PDE1C: variants seen among roughly 807,000 people sequenced by gnomAD.
PDE1C encodes the protein phosphodiesterase 1C.
Under a neutral mutation model 93.1 loss-of-function variants are expected in PDE1C, and 62 were observed. That is an observed-to-expected ratio of 0.67 (90% CI 0.54 to 0.82). The LOEUF is 0.82. Among genes scored for constraint, PDE1C ranks in the 40% least tolerant of loss-of-function variants. The probability of loss-of-function intolerance (pLI) is 0.00; values close to 1 mark genes in which losing one functional copy is unlikely to be tolerated. For missense variants in PDE1C, 742 were observed against 884.6 expected (o/e 0.84, Z 2.04); for synonymous variants, 325 against 310.1 (o/e 1.05, Z -0.50).
At chr7:32,105,701 CT>C (rs11313586) in intron 3 of PDE1C, among the ~76,000 whole-genome samples, 66,304 of 133,854 alleles carry the variant, frequency 0.5, 16,419 homozygotes, top group Middle Eastern at 0.64. Flanking sequence ...CCACATCTGA[CT>C]TTTTTTTTTT....
At chr7:31,784,619 A>T (rs1179141510) in intron 16 of PDE1C, 1 of 152,064 alleles carries the variant, frequency 6.6e-6, no homozygotes, top group Non-Finnish European at 1.5e-5. Context: ...TGGGAGGAAA[A>T]AAAAAGGAAA....
At chr7:31,624,663 A>G in the PDE1C span, among the ~76,000 whole-genome samples, 298 of 150,630 alleles carry the variant, frequency 2.0e-3, 1 homozygote, top group African/African-American at 6.9e-3. Flanking sequence ...TAAAACCATA[A>G]AAACCCTAGA....
intron 16 of PDE1C, among the ~76,000 whole-genome samples, chr7:31,806,264 A>G (rs1051971012): frequency 3.3e-5 from 5 of 151,982 alleles, no homozygotes; most frequent in African/African-American, 1.2e-4. Context: ...AGTAAAGTTA[A>G]CGGCAAGTTT....
the PDE1C span, among the ~76,000 whole-genome samples, chr7:31,726,224 A>G: frequency 6.8e-6 from 1 of 147,248 alleles, no homozygotes; most frequent in Non-Finnish European, 1.5e-5. Context: ...GTGCACCAAC[A>G]TGATCATTTT....
Position 32,070,283 on chromosome 7 carries a change from G to T in PDE1C, c.101+10C>A, listed in dbSNP as rs1795882381. 2 of 1,614,110 alleles carry T rather than the reference G, an allele frequency of 1.2e-6. No individual in the cohort carries two copies. Among genetic ancestry groups the T allele is most frequent in the Admixed American group, 1.7e-5 (1 of 60,032 alleles). On this transcript the variant is annotated intron_variant, in intron 1 of 17. Transcript: ENST00000396191. ...GAAATGGGGCAGGAGAAGTAAATAG[G>T]TATACTTACAGCCCGCGGAGCCGAA... is the stretch of plus-strand genomic sequence containing the variant.
chr7:31,709,170 C>A, the PDE1C span, among the ~76,000 whole-genome samples: 4 of 152,148 alleles, frequency 2.6e-5, no homozygotes, highest in Admixed American at 2.0e-4. Context: ...TGCTCGATAA[C>A]TTCTGAGGCT....
At chr7:31,970,186 G>A (rs1810736051) in intron 2 of PDE1C, among the ~76,000 whole-genome samples, 1 of 152,094 alleles carries the variant, frequency 6.6e-6, no homozygotes, top group Non-Finnish European at 1.5e-5. Flanking sequence ...TCTAGAGAAT[G>A]GAAGTGGTGG....
At chr7:32,314,344 CA>C (rs1437946381) in intron 1 of PDE1C, among the ~76,000 whole-genome samples, 3 of 151,988 alleles carry the variant, frequency 2.0e-5, no homozygotes, top group Non-Finnish European at 4.4e-5. Context: ...AAGGGAATAG[CA>C]GAGAAAAATT....
chr7:32,155,349 G>A (rs764835798), intron 3 of PDE1C, among the ~76,000 whole-genome samples: 5 of 152,186 alleles, frequency 3.3e-5, no homozygotes, highest in Non-Finnish European at 5.9e-5. Flanking sequence ...TTGTTATAAG[G>A]ATTCAACGGC....
At chr7:31,873,563 G>GC (rs1421621779) in intron 5 of PDE1C, among the ~76,000 whole-genome samples, 155 bp from the exon 6 acceptor site, 2 of 152,046 alleles carry the variant, frequency 1.3e-5, no homozygotes, top group African/African-American at 2.4e-5. Flanking sequence ...TTCCAATCTG[G>GC]CTAGTCTACA....
chr7:31,838,737 C>T (rs1791435815), intron 9 of PDE1C, among the ~76,000 whole-genome samples: 1 of 151,994 alleles, frequency 6.6e-6, no homozygotes, highest in Non-Finnish European at 1.5e-5. Context: ...CTGCCTCTAA[C>T]GACTTTATTG....
chr7:31,866,904 A>G (rs1192974562), intron 6 of PDE1C, among the ~76,000 whole-genome samples: 2 of 152,018 alleles, frequency 1.3e-5, no homozygotes, highest in African/African-American at 2.4e-5. Context: ...TGAGACTAAG[A>G]CAGGGAGCTG....
chr7:31,867,192 C>T (rs1270556317), intron 6 of PDE1C, among the ~76,000 whole-genome samples: 1 of 152,106 alleles, frequency 6.6e-6, no homozygotes, highest in African/African-American at 2.4e-5. Context: ...AACAAACCCA[C>T]CATGCAAGTT....
chr7:31,977,767 T>C (rs1811852557), intron 2 of PDE1C, among the ~76,000 whole-genome samples: 1 of 152,214 alleles, frequency 6.6e-6, no homozygotes, highest in Non-Finnish European at 1.5e-5. Context: ...TTACAAACAG[T>C]AGTTGCTCAA....
At chr7:32,310,003 C>A (rs1435132206) in intron 1 of PDE1C, among the ~76,000 whole-genome samples, 2 of 152,076 alleles carry the variant, frequency 1.3e-5, no homozygotes, top group Non-Finnish European at 2.9e-5. Context: ...ATTCAGGAAA[C>A]CCATGTCATG....
chr7:31,643,257 C>T, the PDE1C span: 2 of 1,613,778 alleles, frequency 1.2e-6, no homozygotes, highest in Non-Finnish European at 1.7e-6. Flanking sequence ...GTCCTCACAC[C>T]AACCACAGCT....
the PDE1C span, among the ~76,000 whole-genome samples, chr7:31,666,018 T>G: frequency 6.6e-6 from 1 of 152,140 alleles, no homozygotes; most frequent in Non-Finnish European, 1.5e-5. Flanking sequence ...GGTACCCCGT[T>G]TTTGTTGTTA....
At chr7:32,153,519 G>A (rs1014347515) in intron 3 of PDE1C, among the ~76,000 whole-genome samples, 1 of 152,158 alleles carries the variant, frequency 6.6e-6, no homozygotes, top group Non-Finnish European at 1.5e-5. Context: ...AAGCAGAGTG[G>A]GGGTTCTCAG....
At chr7:31,909,255 A>G (rs1285381871) in intron 2 of PDE1C, among the ~76,000 whole-genome samples, 1 of 152,192 alleles carries the variant, frequency 6.6e-6, no homozygotes, top group African/African-American at 2.4e-5. Flanking sequence ...CTTAGCACCA[A>G]CTGGGACTTC....
Sources: gnomAD v4.1 joint callset for allele counts (sites outside exome capture counted in the v4.1 genomes callset) on GRCh38, gnomAD v4.1.1 for gene constraint, MANE v1.5 for transcripts, NCBI Gene and HGNC (gene_info 2026-07-23, HGNC 2026-07-21) for gene names.